CDH13: variants seen among roughly 807,000 people sequenced by gnomAD.
CDH13 encodes cadherin 13.
Under a neutral mutation model 63.8 loss-of-function variants are expected in CDH13, and 24 were observed. The observed-to-expected ratio is 0.38, with a 90% confidence interval of 0.27 to 0.53. The LOEUF is 0.53. Among genes scored for constraint, CDH13 ranks in the 20% least tolerant of loss-of-function variants. CDH13 has a pLI of 0.85. For synonymous variants in CDH13, 503 were observed against 355.3 expected (o/e 1.42, Z -4.67); for missense variants, 1,049 against 903.1 (o/e 1.16, Z -2.07).
At chr16:83,105,576 C>G (rs9930697) in intron 3 of CDH13, among the ~76,000 whole-genome samples, 1 of 151,736 alleles carries the variant, frequency 6.6e-6, no homozygotes, top group Non-Finnish European at 1.5e-5. Flanking sequence ...AGGAAAACTC[C>G]AAAAACTTCT....
At position 82,734,630 on chromosome 16, in the gene CDH13, T is replaced by C. The variant is rs377298469; in HGVS notation, c.45+107493T>C. On this transcript the variant is annotated intron_variant, in intron 1 of 13. Transcript: ENST00000567109. ...GTTTAGCATTCAGGGCCAACACCTA[T>C]GGAAAGCAGGGGCAGGAAGCAGGAG... Among the ~76,000 whole-genome samples, 12 of 152,276 alleles carry C rather than the reference T, an allele frequency of 7.9e-5. No homozygotes were observed. The East Asian group carries it at 2.1e-3, about 27-fold the overall frequency.
intron 4 of CDH13, among the ~76,000 whole-genome samples, chr16:83,176,512 GAAAAAAAAAA>G (rs869250059): frequency 7.4e-4 from 53 of 71,788 alleles, no homozygotes; most frequent in African/African-American, 2.3e-3. Context: ...TCCAGCTAGA[GAAAAAAAAAA>G]AAAAAAAAAA....
At chr16:82,699,270 G>T (rs1222057464) in intron 1 of CDH13, among the ~76,000 whole-genome samples, 3 of 152,154 alleles carry the variant, frequency 2.0e-5, no homozygotes, top group African/African-American at 4.8e-5. Context: ...ACCTGAGGTT[G>T]CCCTGCCAAG....
chr16:83,708,133 A>G (rs897219754), intron 10 of CDH13, among the ~76,000 whole-genome samples: 3 of 152,190 alleles, frequency 2.0e-5, no homozygotes, highest in Non-Finnish European at 2.9e-5. Context: ...TGCAAGACTC[A>G]CCACCCATAG....
intron 1 of CDH13, among the ~76,000 whole-genome samples, chr16:82,807,094 T>C (rs2037183278): frequency 6.6e-6 from 1 of 151,964 alleles, no homozygotes; most frequent in Admixed American, 6.6e-5. Flanking sequence ...ATGCCTTTTT[T>C]TTTTTTTTTC....
chr16:83,182,343 A>C (rs2038372836), intron 4 of CDH13, among the ~76,000 whole-genome samples: 1 of 152,186 alleles, frequency 6.6e-6, no homozygotes, highest in South Asian at 2.1e-4. Context: ...CTGCAGGAGA[A>C]GGTGGAAGAG....
chr16:83,000,249 T>A (rs1384043340), intron 2 of CDH13, among the ~76,000 whole-genome samples: 35 of 116,058 alleles, frequency 3.0e-4, no homozygotes, highest in South Asian at 9.9e-4. Context: ...TTTTTTTTTT[T>A]TTTTTTTTTT....
At position 83,052,982 on chromosome 16, in the gene CDH13, G is replaced by C. The variant is rs1025671528; in HGVS notation, c.366+20764G>C. ...GATAGAAGACCGTGAAAGAGGCAATGCAGTGAGACCATAAGCCTTGTGGTT... is the reference window on the plus strand; with the variant it reads ...GATAGAAGACCGTGAAAGAGGCAATCCAGTGAGACCATAAGCCTTGTGGTT... On this transcript the variant is annotated intron_variant, in intron 3 of 13. Transcript: ENST00000567109. Among the ~76,000 whole-genome samples, 5 of 152,196 alleles carry C rather than the reference G, an allele frequency of 3.3e-5. No individual in the cohort carries two copies. In the South Asian group the frequency reaches 6.2e-4, roughly 19 times the overall value.
intron 6 of CDH13, among the ~76,000 whole-genome samples, chr16:83,470,159 C>A (rs1334824769): frequency 6.6e-6 from 1 of 152,160 alleles, no homozygotes; most frequent in Admixed American, 6.5e-5. Context: ...TGACATTCAC[C>A]TATCCCTCTA....
chr16:83,445,882 A>G (rs1225559083), intron 6 of CDH13, among the ~76,000 whole-genome samples: 3 of 152,182 alleles, frequency 2.0e-5, no homozygotes, highest in African/African-American at 7.2e-5. Flanking sequence ...GATTCCTACA[A>G]ACCACGCCGA....
chr16:83,348,172 A>C (rs1451264705), intron 6 of CDH13, among the ~76,000 whole-genome samples: 1 of 152,182 alleles, frequency 6.6e-6, no homozygotes, highest in East Asian at 1.9e-4. Context: ...CCTGGGCGAC[A>C]GAGAAAGACT....
chr16:83,619,066 G>C (rs935128001), intron 8 of CDH13, among the ~76,000 whole-genome samples: 4 of 152,178 alleles, frequency 2.6e-5, no homozygotes. Context: ...AGCCTGCTTT[G>C]CCTGTGTGTG....
At chr16:83,236,904 C>T (rs776339575) in intron 5 of CDH13, among the ~76,000 whole-genome samples, 9 of 151,938 alleles carry the variant, frequency 5.9e-5, no homozygotes, top group Non-Finnish European at 1.2e-4. Context: ...GGTTCTACAA[C>T]ATCATGAGTA....
intron 1 of CDH13, among the ~76,000 whole-genome samples, chr16:82,648,433 A>G (rs892611862): frequency 5.3e-5 from 8 of 152,230 alleles, no homozygotes; most frequent in Non-Finnish European, 1.0e-4. Flanking sequence ...CCAGCAAATG[A>G]AAACAGGTTA....
intron 4 of CDH13, among the ~76,000 whole-genome samples, chr16:83,212,674 T>TG: frequency 6.6e-6 from 1 of 152,290 alleles, no homozygotes; most frequent in Non-Finnish European, 1.5e-5. Flanking sequence ...GCATCAGTGA[T>TG]ACTCAACAGG....
At chr16:83,268,251 T>G (rs757974010) in intron 5 of CDH13, among the ~76,000 whole-genome samples, 4 of 152,210 alleles carry the variant, frequency 2.6e-5, no homozygotes, top group Non-Finnish European at 5.9e-5. Flanking sequence ...GTATACAACC[T>G]TCACAATATG....
intron 1 of CDH13, among the ~76,000 whole-genome samples, chr16:82,675,546 A>G (rs771859900): frequency 8.5e-5 from 13 of 152,220 alleles, no homozygotes; most frequent in Non-Finnish European, 1.6e-4. Flanking sequence ...TCAAAGCTGC[A>G]TGAAGTCACG....
chr16:83,080,616 G>T (rs2033162833), intron 3 of CDH13, among the ~76,000 whole-genome samples: 1 of 152,092 alleles, frequency 6.6e-6, no homozygotes, highest in African/African-American at 2.4e-5. Flanking sequence ...AACCTGTCCA[G>T]TGTCCACAGC....
chr16:82,935,394 G>C (rs972956104), intron 2 of CDH13, among the ~76,000 whole-genome samples: 2 of 152,206 alleles, frequency 1.3e-5, no homozygotes, highest in African/African-American at 2.4e-5. Flanking sequence ...TGAGATTTGG[G>C]TGGGGACATA....
Sources: gnomAD v4.1 joint callset for allele counts (sites outside exome capture counted in the v4.1 genomes callset) on GRCh38, gnomAD v4.1.1 for gene constraint, MANE v1.5 for transcripts, NCBI Gene and HGNC (gene_info 2026-07-23, HGNC 2026-07-21) for gene names.